SAA2: variants seen among roughly 807,000 people sequenced by gnomAD.
SAA2 encodes serum amyloid A2, also known as serum amyloid A-2 protein.
Under a neutral mutation model 9.1 loss-of-function variants are expected in SAA2, and 5 were observed. The observed-to-expected ratio is 0.55, with a 90% CI of 0.29 to 1.16. SAA2 has a LOEUF of 1.16. SAA2 is among the 50% of genes most tolerant of loss of function. The probability of loss-of-function intolerance (pLI) is 0.09; values close to 1 mark genes in which losing one functional copy is unlikely to be tolerated. For missense variants in SAA2, 94 were observed against 153.8 expected (o/e 0.61, Z 2.06); for synonymous variants, 49 against 59.8 (o/e 0.82, Z 0.83).
downstream of SAA2, chr11:18,240,314 G>A (rs567552461): frequency 5.6e-4 from 394 of 702,414 alleles, no homozygotes; most frequent in African/African-American, 5.7e-3. Flanking sequence ...TCATGGAGCA[G>A]GTGGAAGGCT....
At chr11:18,239,980 C>G in intron 3 of SAA2, 1 of 1,550,706 alleles carries the variant, frequency 6.4e-7, no homozygotes, top group African/African-American at 1.4e-5. Context: ...CTGACAAAGG[C>G]AGATTAATAG....
At chr11:18,239,849 T>C (rs1331287272) in exon 4 of SAA2, 22 of 1,455,298 alleles carry the variant, frequency 1.5e-5, no homozygotes, top group Non-Finnish European at 2.0e-5. Context: ...CCAAAGGCCA[T>C]GGTCTTGTTA....
chr11:18,242,718 C>T, downstream of SAA2: 1 of 694,058 alleles, frequency 1.4e-6, no homozygotes, highest in Non-Finnish European at 2.6e-6. Context: ...TCATGGCGCA[C>T]ATCTGCAGTC....
chr11:18,246,136 C>G, intron 2 of SAA2, 88 bp from the exon 3 acceptor site: 1 of 1,487,930 alleles, frequency 6.7e-7, no homozygotes, highest in Non-Finnish European at 9.1e-7. Context: ...AAGGACAAAT[C>G]TTCCACTGAC....
chr11:18,239,889 G>A, exon 4 of SAA2: 1 of 1,535,604 alleles, frequency 6.5e-7, no homozygotes, highest in African/African-American at 1.4e-5. Context: ...AATCTTCATT[G>A]CCTGGATCAA....
exon 4 of SAA2, chr11:18,239,320 G>A (rs1857277854): frequency 6.0e-6 from 1 of 167,046 alleles, no homozygotes; most frequent in Non-Finnish European, 1.3e-5. Flanking sequence ...CTACACTGTT[G>A]TACTTATTGA....
exon 4 of SAA2, chr11:18,239,830 G>T (rs912395058): frequency 1.1e-4 from 156 of 1,356,592 alleles, no homozygotes; most frequent in Non-Finnish European, 1.4e-4. Flanking sequence ...ATGCCTCTTA[G>T]CACAGGTTCC....
intron 2 of SAA2, among the ~76,000 whole-genome samples, chr11:18,247,340 AAGAC>A (rs1247760532): frequency 6.7e-6 from 1 of 150,022 alleles, no homozygotes. Context: ...AAGGAGAAAG[AAGAC>A]AGAAGAGTCA....
At chr11:18,240,125 A>C (rs1371082620) in intron 3 of SAA2, 1 of 1,027,430 alleles carries the variant, frequency 9.7e-7, no homozygotes, top group Non-Finnish European at 1.4e-6. Flanking sequence ...GAATGTACAC[A>C]AATTTTTTGA....
intron 2 of SAA2, among the ~76,000 whole-genome samples, chr11:18,246,656 T>G (rs1236081980): frequency 6.6e-6 from 1 of 152,200 alleles, no homozygotes; most frequent in Non-Finnish European, 1.5e-5. Flanking sequence ...TTCAGCCTCC[T>G]GAGTAGCTGG....
At chr11:18,242,743 G>A (rs771697923), downstream of SAA2, 6 of 699,124 alleles carry the variant, frequency 8.6e-6, no homozygotes, top group Admixed American at 4.0e-5. Flanking sequence ...TTATTCAAGA[G>A]GCTGAAGTGG....
At chr11:18,240,272 T>A, downstream of SAA2, 2 of 702,642 alleles carry the variant, frequency 2.8e-6, no homozygotes, top group South Asian at 3.0e-5. Flanking sequence ...GTGGTTGTAT[T>A]CCTCAGTCAT....
At chr11:18,239,673 A>G in exon 4 of SAA2, 1 of 422,588 alleles carries the variant, frequency 2.4e-6, no homozygotes, top group Middle Eastern at 5.5e-4. Flanking sequence ...ATGCTTTCCT[A>G]GTTTTCCTCC....
downstream of SAA2, among the ~76,000 whole-genome samples, chr11:18,243,361 C>G (rs143360906): frequency 2.0e-5 from 3 of 152,106 alleles, no homozygotes; most frequent in Non-Finnish European, 2.9e-5. Context: ...CTCCTGCCCC[C>G]CAAAATCTAC....
exon 4 of SAA2, chr11:18,239,824 C>T (rs1590009855): frequency 7.7e-7 from 1 of 1,296,496 alleles, no homozygotes; most frequent in East Asian, 2.6e-5. Context: ...TCATCCATGC[C>T]TCTTAGCACA....
downstream of SAA2, among the ~76,000 whole-genome samples, chr11:18,244,342 A>T (rs1341259975): frequency 6.6e-6 from 1 of 152,084 alleles, no homozygotes; most frequent in Non-Finnish European, 1.5e-5. Flanking sequence ...TGTCACAGGA[A>T]CCCTAGCTGC....
chr11:18,239,556 G>A (rs757721991), exon 4 of SAA2: 13 of 398,030 alleles, frequency 3.3e-5, no homozygotes, highest in African/African-American at 6.2e-5. Flanking sequence ...CCACCTTCAC[G>A]AGATAGTCAA....
chr11:18,239,890 C>T, exon 4 of SAA2: 2 of 1,534,996 alleles, frequency 1.3e-6, no homozygotes. Context: ...ATCTTCATTG[C>T]CTGGATCAAT....
chr11:18,246,864 G>C (rs1857569550), intron 2 of SAA2, among the ~76,000 whole-genome samples: 2 of 152,192 alleles, frequency 1.3e-5, no homozygotes, highest in South Asian at 4.1e-4. Context: ...GAAAGTCCCA[G>C]TGCCCAGGCC....
Sources: gnomAD v4.1 joint callset for allele counts (sites outside exome capture counted in the v4.1 genomes callset) on GRCh38, gnomAD v4.1.1 for gene constraint, MANE v1.5 for transcripts, NCBI Gene and HGNC (gene_info 2026-07-23, HGNC 2026-07-21) for gene names.